The following PRPF40B variants were observed in gnomAD, a reference collection of about 807,000 sequenced individuals.
PRPF40B encodes pre-mRNA processing factor 40B.
Under a neutral mutation model 124.5 loss-of-function variants are expected in PRPF40B, and 56 were observed. The ratio of observed to expected loss-of-function variants is 0.45; its 90% CI spans 0.36 to 0.56. The LOEUF (loss-of-function observed/expected upper bound fraction) is 0.56. Ranked by LOEUF, PRPF40B falls within the 20% of genes least tolerant of loss-of-function variation. The pLI, the probability that PRPF40B is intolerant of heterozygous loss-of-function variation, is 0.00. For synonymous variants in PRPF40B, 443 were observed against 426.4 expected, an observed-to-expected ratio of 1.04 and a Z score of -0.48; for missense variants, 1,053 against 1,169.5, an observed-to-expected ratio of 0.90 and a Z score of 1.45.
rs757857705 is a variant in PRPF40B at position 49,633,001 on chromosome 12, C to A, written c.349-13C>A. On this transcript the variant is annotated splice_polypyrimidine_tract_variant and intron_variant, in intron 6 of 25. Coordinates refer to ENST00000548825, the MANE Select transcript of PRPF40B (RefSeq NM_001031698.3). ...GGCCTTGACCACCATTCTGTGCCCC[C>A]CCCCCCACCCAGAGGGCCCTATGGA... The A allele has an allele frequency of 7.1e-5, 37 of 518,500 alleles. No individual in the cohort carries two copies. The highest frequency in any genetic ancestry group is 1.3e-4 in the Admixed American group (6 of 44,572). 32.1% of individuals were successfully genotyped at this position (518,500 alleles called of 1,614,324 possible).
chr12:49,631,520 G>A lies in PRPF40B; in HGVS notation c.204G>A (p.Met68Ile). The change falls in exon 3 of 26, where the codon ATG becomes ATA. Residue 68 changes from methionine (M) to isoleucine (I), a missense_variant. Met to Ile is a conservative substitution (Grantham distance 10, BLOSUM62 1). This residue lies in a region of PRPF40B where 158 missense variants were observed against 117.3 expected (regional missense o/e 1.35). Coordinates refer to ENST00000548825, the MANE Select transcript of PRPF40B (RefSeq NM_001031698.3). This position sits in a 1 kb window ranked among gnomAD's most constrained non-coding sequence, Gnocchi z 4.3. ...TCCTGCCCCCAATGCTTCCACCAAT[G>A]GGGGCGCCACCACCACTCACACAGG... ...PGILPPMLPP[M>I]GAPPPLTQIP... is the part of the protein sequence containing the mutation. 6.5e-7 allele frequency: 1 copy of A among 1,549,076 alleles called. No homozygotes were observed. Among genetic ancestry groups the A allele is most frequent in the South Asian group, 1.3e-5 (1 of 79,356 alleles).
chr12:49,643,140 C>T, intron 22 of PRPF40B, 83 bp from the exon 23 acceptor site: 3 of 1,588,192 alleles, frequency 1.9e-6, no homozygotes, highest in Non-Finnish European at 2.6e-6. Flanking sequence ...GCCCTGGGTC[C>T]TCCTCCTCTC....
intron 15 of PRPF40B, 170 bp from the exon 16 acceptor site, chr12:49,636,546 G>T: frequency 1.4e-6 from 1 of 689,750 alleles, no homozygotes; most frequent in African/African-American, 1.8e-5. Context: ...CCCCTCTTAA[G>T]AACTACCATT....
At chr12:49,643,189 C>T (rs1942899880) in intron 22 of PRPF40B, 34 bp from the exon 23 acceptor site, 2 of 1,612,232 alleles carry the variant, frequency 1.2e-6, no homozygotes, top group South Asian at 1.1e-5. Context: ...GGCAGAGAAC[C>T]TCTGCACTGA....
intron 16 of PRPF40B, chr12:49,637,146 C>G (rs2138542750): frequency 1.7e-6 from 1 of 574,748 alleles, no homozygotes; most frequent in African/African-American, 1.9e-5. Context: ...GGGCACCCGA[C>G]AGGCAGAGTT....
At chr12:49,629,304 T>A (rs1358013944) in intron 1 of PRPF40B, among the ~76,000 whole-genome samples, 1 of 152,250 alleles carries the variant, frequency 6.6e-6, no homozygotes, top group Admixed American at 6.5e-5. Context: ...ATAAGCTTCT[T>A]CATTCTTGTT....
chr12:49,634,755 G>A, intron 12 of PRPF40B, 153 bp downstream of exon 12: 1 of 849,808 alleles, frequency 1.2e-6, no homozygotes, highest in Non-Finnish European at 1.8e-6. Context: ...AAAGCTGGAG[G>A]GCCTCCAGGA....
rs756733866 is a variant in PRPF40B, at chr12:49,643,766, C to G, written c.2442+14C>G. 6.2e-7 allele frequency: 1 copy of G among 1,613,880 alleles called. No individual in the cohort carries two copies. The stretch of plus-strand genomic sequence containing the variant: ...AGACACAAGTCGGTGAGTGAAGGAA[C>G]TTCTACCTAAGCCCCTGCTATTTTG... On this transcript the variant is annotated intron_variant, in intron 24 of 25. Coordinates refer to ENST00000548825, the MANE Select transcript of PRPF40B (RefSeq NM_001031698.3).
intron 15 of PRPF40B, chr12:49,636,492 C>T: frequency 1.9e-6 from 1 of 530,650 alleles, no homozygotes; most frequent in Non-Finnish European, 3.3e-6. Flanking sequence ...ACTGAATTCA[C>T]AAGAGCTGAA....
chr12:49,632,948 T>C (rs1941369941), intron 6 of PRPF40B, 66 bp from the exon 7 acceptor site: 1 of 1,611,686 alleles, frequency 6.2e-7, no homozygotes, highest in African/African-American at 1.3e-5. Context: ...AGTTAAATCT[T>C]TGGGGTGAGG....
intron 18 of PRPF40B, chr12:49,639,966 C>G (rs1942383974): frequency 6.6e-6 from 1 of 152,242 alleles, no homozygotes; most frequent in Admixed American, 6.5e-5. Flanking sequence ...CTTTTAGCCA[C>G]AGAGTGGCTG....
chr12:49,641,845 C>G, intron 18 of PRPF40B, 63 bp from the exon 19 acceptor site: 1 of 1,394,728 alleles, frequency 7.2e-7, no homozygotes, highest in Non-Finnish European at 1.0e-6. Flanking sequence ...TGTGACCACT[C>G]TGCCTGCCAG....
At chr12:49,624,355 C>T (rs1418356506) in intron 1 of PRPF40B, among the ~76,000 whole-genome samples, 1 of 152,100 alleles carries the variant, frequency 6.6e-6, no homozygotes, top group Admixed American at 6.5e-5. Flanking sequence ...AGGCCTTGGG[C>T]TGGGGCTGGA....
At chr12:49,629,726 T>C (rs943035858) in intron 1 of PRPF40B, among the ~76,000 whole-genome samples, 4 of 152,086 alleles carry the variant, frequency 2.6e-5, no homozygotes, top group Admixed American at 1.3e-4. Flanking sequence ...GATAGAGAAA[T>C]AGGAAGGAGC....
rs889106374 is a variant in PRPF40B at position 49,635,341 on chromosome 12, A to G, written c.1167-24A>G. ...CAGGGTCTCTGTTCTCTGTCTACCT[A>G]CTCACAGCTTATATGCTCCACAGGC... On this transcript the variant is annotated intron_variant, in intron 13 of 25. Transcript: ENST00000548825. The surrounding 1 kb of genome is among the most constrained non-coding windows in gnomAD (Gnocchi z 4.1). 6.2e-7 allele frequency: 1 copy of G among 1,610,552 alleles called. No individual in the cohort carries two copies. Among genetic ancestry groups the G allele is most frequent in the Non-Finnish European group, 8.5e-7 (1 of 1,178,482 alleles).
rs771146667 is a variant in PRPF40B at position 49,635,066 on chromosome 12, C to T, written c.1002-33C>T. 1 of 1,591,266 alleles carries T rather than the reference C, an allele frequency of 6.3e-7. No individual in the cohort carries two copies. The highest frequency in any genetic ancestry group is 1.1e-5 in the South Asian group (1 of 87,508). ...GTGCAGAGTGGTTCGGGTGACTTCT[C>T]TATCCCCACCCCACTCCTACCCTCT... On this transcript the variant is annotated intron_variant, in intron 12 of 25. Coordinates refer to ENST00000548825, the MANE Select transcript of PRPF40B (RefSeq NM_001031698.3). This position sits in a 1 kb window ranked among gnomAD's most constrained non-coding sequence, Gnocchi z 4.1.
rs766758338 is a variant in PRPF40B, at chr12:49,641,923, G to T, written c.1783G>T (p.Val595Leu). 6.2e-7 allele frequency: 1 copy of T among 1,613,492 alleles called. No individual in the cohort carries two copies. The highest frequency in any genetic ancestry group is 1.8e-4 in the Middle Eastern group (1 of 5,644). Reference protein sequence around the residue: ...KDILKDRGFCVEVNTAFEDFA... With the variant: ...KDILKDRGFCLEVNTAFEDFA... ...GTACCCACAGGACCGGGGCTTCTGC[G>T]TGGAGGTGAACACGGCCTTTGAGGA... Residue 595 changes from valine to leucine, a missense_variant, in exon 19 of 26, where the codon GTG becomes TTG. Val to Leu is a conservative substitution (Grantham distance 32, BLOSUM62 1). Around this residue, in one of 2 missense-constraint regions of PRPF40B, gnomAD observed 895 missense variants for 1,052.2 expected, o/e 0.85. Coordinates refer to ENST00000548825, the MANE Select transcript of PRPF40B (RefSeq NM_001031698.3).
In PRPF40B at chr12:49,642,819, G is replaced by C; in HGVS notation, c.2119-111G>C. 2.1e-6 allele frequency: 3 copies of C among 1,432,132 alleles called. No individual in the cohort carries two copies. Among genetic ancestry groups the C allele is most frequent in the Non-Finnish European group, 2.9e-6 (3 of 1,041,308 alleles). The allele number at this position is 1,432,132 out of a possible 1,614,324, so 88.7% of individuals were successfully genotyped here. A position where few individuals can be genotyped will look rare whatever the true frequency, so the allele number is the denominator to read the frequency against. On this transcript the variant is annotated intron_variant, in intron 21 of 25. Transcript: ENST00000548825. This position sits in a 1 kb window ranked among gnomAD's most constrained non-coding sequence, Gnocchi z 5.8. ...GGAGGCCTGAGGATCCCTGGGATAG[G>C]CAGAAGGCTCTAGTCTGAGAAAGGG...
At position 49,631,479 on chromosome 12, in the gene PRPF40B, C is replaced by A. The variant is rs753575936; in HGVS notation, c.163C>A (p.Pro55Thr). 1.3e-6 allele frequency: 2 copies of A among 1,535,812 alleles called. No individual in the cohort carries two copies. The highest frequency in any genetic ancestry group is 2.8e-5 in the African/African-American group (2 of 71,908). Reference sequence around the variant, plus strand: ...GAGTCAGAGACCACCAGCTATCCCCCCCATGCCACCTGGCATCCTGCCCCC... The same window carrying A: ...GAGTCAGAGACCACCAGCTATCCCCACCATGCCACCTGGCATCCTGCCCCC... ...PMSQRPPAIP[P>T]MPPGILPPML... Residue 55 changes from proline (P) to threonine (T), a missense_variant, in exon 3 of 26, where the codon CCC (proline) becomes ACC (threonine). Transcript: ENST00000548825. This position sits in a 1 kb window ranked among gnomAD's most constrained non-coding sequence, Gnocchi z 4.3.
Sources: allele counts gnomAD v4.1 joint callset (sites outside exome capture counted in the v4.1 genomes callset), GRCh38; gene constraint gnomAD v4.1.1; regional missense constraint gnomAD v4.1.1; non-coding constraint Gnocchi (gnomAD v3.1); transcripts MANE v1.5; gene names NCBI Gene and HGNC (gene_info 2026-07-23, HGNC 2026-07-21).